CACNA1D: variants seen among roughly 807,000 people sequenced by gnomAD.
CACNA1D encodes calcium voltage-gated channel subunit alpha1 D.
Under a neutral mutation model 257.1 loss-of-function variants are expected in CACNA1D, and 55 were observed. The ratio of observed to expected loss-of-function variants is 0.21; its 90% CI spans 0.17 to 0.27. CACNA1D has a LOEUF of 0.27. Among genes scored for constraint, CACNA1D ranks in the 10% least tolerant of loss-of-function variants. CACNA1D has a pLI of 1.00. For synonymous variants in CACNA1D, 980 were observed against 1,014.9 expected (o/e 0.97, Z 0.65); for missense variants, 1,876 against 2,784.0 (o/e 0.67, Z 7.34).
At chr3:53,801,511 CTG>C (rs2095535844) in intron 42 of CACNA1D, 86 bp downstream of exon 42, 16 of 1,559,530 alleles carry the variant, frequency 1.0e-5, no homozygotes, top group Non-Finnish European at 1.3e-5. Flanking sequence ...GGTCTGTGCT[CTG>C]TGCTCTGGGG....
chr3:53,607,171 C>A (rs1361504569), intron 3 of CACNA1D, among the ~76,000 whole-genome samples: 1 of 152,144 alleles, frequency 6.6e-6, no homozygotes, highest in African/African-American at 2.4e-5. Flanking sequence ...TTTTATTACC[C>A]TTGGGAAAAA....
intron 3 of CACNA1D, among the ~76,000 whole-genome samples, chr3:53,551,087 G>A (rs1021940052): frequency 3.3e-5 from 5 of 152,168 alleles, no homozygotes; most frequent in Admixed American, 2.6e-4. Context: ...ATAGTTCTCC[G>A]CACTTGTATT....
intron 3 of CACNA1D, among the ~76,000 whole-genome samples, chr3:53,593,133 C>A (rs1330541182): frequency 6.6e-6 from 1 of 152,154 alleles, no homozygotes; most frequent in Admixed American, 6.5e-5. Context: ...AGGAACTGAA[C>A]CAGCTAGGAC....
At chr3:53,636,562 C>T (rs1327369159) in intron 3 of CACNA1D, among the ~76,000 whole-genome samples, 1 of 152,206 alleles carries the variant, frequency 6.6e-6, no homozygotes, top group Non-Finnish European at 1.5e-5. Context: ...CTGCCTTGGC[C>T]CCCACGAAGT....
At chr3:53,761,909 G>T in intron 29 of CACNA1D, 89 bp from the exon 30 acceptor site, 2 of 907,760 alleles carry the variant, frequency 2.2e-6, no homozygotes, top group South Asian at 1.3e-5. Flanking sequence ...CCATGGGTGC[G>T]GCAGGGACTC....
chr3:53,561,527 C>T (rs540133886), intron 3 of CACNA1D, among the ~76,000 whole-genome samples: 1 of 152,226 alleles, frequency 6.6e-6, no homozygotes, highest in Admixed American at 6.5e-5. Flanking sequence ...CATTGGAGGG[C>T]TGTGGGGAGT....
chr3:53,779,405 GTA>G (rs199689002), intron 37 of CACNA1D, among the ~76,000 whole-genome samples: 1 of 151,432 alleles, frequency 6.6e-6, no homozygotes, highest in Non-Finnish European at 1.5e-5. Context: ...GTATATGTAT[GTA>G]TGTGTGTGTG....
rs1459543836 is a variant in CACNA1D at position 53,643,522 on chromosome 3, T to A, written c.484-7257T>A. 2.6e-5 allele frequency among the ~76,000 whole-genome samples: 4 copies of A among 152,260 alleles called. No individual in the cohort carries two copies. In the East Asian group the frequency reaches 7.8e-4, roughly 30 times the overall value. ...AGCCACTTGAAAAAGCAGCCGCTGC[T>A]CTCGGTTCTTGCTGTTCTTGCTTGG... On this transcript the variant is annotated intron_variant, in intron 3 of 47. Transcript: ENST00000350061.
At chr3:53,524,312 G>A (rs540655398) in intron 3 of CACNA1D, among the ~76,000 whole-genome samples, 3 of 152,322 alleles carry the variant, frequency 2.0e-5, no homozygotes, top group Non-Finnish European at 4.4e-5. Flanking sequence ...ATTGTGGAAG[G>A]AATTCCGTGC....
rs758415159 is a variant in CACNA1D, at chr3:53,497,212, C to G, written c.128C>G (p.Pro43Arg). The G allele has an allele frequency of 1.1e-5, 17 of 1,614,024 alleles. 1 individual carries two copies. The highest frequency in any genetic ancestry group is 6.7e-5 in the East Asian group (3 of 44,898). Reference sequence around the variant, plus strand: ...TCTGGTGAAGGACCAACTTCTCAGCCGAATAGCTCCAAGCAAACTGTCCTG... The same window carrying G: ...TCTGGTGAAGGACCAACTTCTCAGCGGAATAGCTCCAAGCAAACTGTCCTG... ...PLSGEGPTSQPNSSKQTVLSW... is the reference protein window; with the variant it reads ...PLSGEGPTSQRNSSKQTVLSW... The change falls in exon 2 of 48, where the codon CCG becomes CGG. Residue 43 changes from proline to arginine, a missense_variant. This residue lies in a region of CACNA1D where 143 missense variants were observed against 168.7 expected (regional missense o/e 0.85). Coordinates refer to ENST00000350061, the MANE Select transcript of CACNA1D (RefSeq NM_001128840.3).
chr3:53,730,660 C>T (rs1186090096), intron 16 of CACNA1D, 104 bp downstream of exon 16: 2 of 865,228 alleles, frequency 2.3e-6, no homozygotes, highest in Non-Finnish European at 3.9e-6. Flanking sequence ...AGCTGCAGCC[C>T]CCGGGTTGCT....
chr3:53,649,137 A>G (rs1158365705), intron 3 of CACNA1D, among the ~76,000 whole-genome samples: 2 of 152,200 alleles, frequency 1.3e-5, no homozygotes, highest in Non-Finnish European at 2.9e-5. Context: ...AGACAGCCGG[A>G]GCCCAGGGGC....
chr3:53,659,989 G>A (rs2094187556), intron 4 of CACNA1D, 144 bp from the exon 5 acceptor site: 2 of 708,286 alleles, frequency 2.8e-6, no homozygotes, highest in South Asian at 3.3e-5. Context: ...CAATTCCACA[G>A]CCCAGTTCTT....
intron 8 of CACNA1D, chr3:53,679,269 T>TAAAA (rs1559504844): frequency 1.6e-4 from 1 of 6,372 alleles, no homozygotes; most frequent in African/African-American, 3.3e-4. Context: ...AAACTCCATC[T>TAAAA]CAAAAAAAAA....
At chr3:53,496,516 G>A (rs2090356257) in intron 1 of CACNA1D, among the ~76,000 whole-genome samples, 1 of 152,200 alleles carries the variant, frequency 6.6e-6, no homozygotes, top group South Asian at 2.1e-4. Context: ...GCCTGTGGAG[G>A]AAATGAGTCC....
At chr3:53,745,902 G>A in intron 25 of CACNA1D, 27 bp downstream of exon 25, 1 of 1,578,810 alleles carries the variant, frequency 6.3e-7, no homozygotes, top group Non-Finnish European at 8.7e-7. Flanking sequence ...TGGAGTAGGG[G>A]ACTTAGAAGA....
chr3:53,676,912 G>C (rs575802901), intron 8 of CACNA1D, among the ~76,000 whole-genome samples: 1 of 152,308 alleles, frequency 6.6e-6, no homozygotes, highest in African/African-American at 2.4e-5. Flanking sequence ...GAGGGGCTGA[G>C]AATGTCTATG....
chr3:53,682,357 G>A (rs1007422195), intron 8 of CACNA1D, among the ~76,000 whole-genome samples: 6 of 70,098 alleles, frequency 8.6e-5, no homozygotes, highest in Admixed American at 2.1e-4. Flanking sequence ...GCGAGGCTTT[G>A]TCTCTGGTAA....
intron 3 of CACNA1D, among the ~76,000 whole-genome samples, chr3:53,591,274 A>G (rs1373133105): frequency 6.6e-6 from 1 of 151,992 alleles, no homozygotes; most frequent in African/African-American, 2.4e-5. Context: ...TAGTTTTGAG[A>G]CAGAGTCTCA....
Sources: gnomAD v4.1 joint callset for allele counts (sites outside exome capture counted in the v4.1 genomes callset) on GRCh38, gnomAD v4.1.1 for gene constraint, gnomAD v4.1.1 regional missense constraint, MANE v1.5 for transcripts, NCBI Gene and HGNC (gene_info 2026-07-23, HGNC 2026-07-21) for gene names.